INPPL1: variants seen among roughly 807,000 people sequenced by gnomAD.
INPPL1 encodes inositol polyphosphate phosphatase like 1.
Under a neutral mutation model 139.3 loss-of-function variants are expected in INPPL1, and 91 were observed. The ratio of observed to expected loss-of-function variants is 0.65; its 90% confidence interval spans 0.55 to 0.78. The LOEUF (loss-of-function observed/expected upper bound fraction) is 0.78. Among genes scored for constraint, INPPL1 ranks in the 30% least tolerant of loss-of-function variants. The pLI, the probability that INPPL1 is intolerant of heterozygous loss-of-function variation, is 0.00. For missense variants in INPPL1, 1,411 were observed against 1,665.6 expected, an observed-to-expected ratio of 0.85 and a Z score of 2.66; for synonymous variants, 719 against 686.6, an observed-to-expected ratio of 1.05 and a Z score of -0.74.
chr11:72,228,606 G>A lies in INPPL1; in HGVS notation c.397+108G>A. The A allele has an allele frequency of 6.5e-7, 1 of 1,528,600 alleles. No homozygotes were observed. The highest frequency in any genetic ancestry group is 1.2e-5 in the South Asian group (1 of 85,330). The allele number at this position is 1,528,600 out of a possible 1,614,324, so 94.7% of individuals were successfully genotyped here. On this transcript the variant is annotated intron_variant, in intron 3 of 27. Coordinates refer to ENST00000298229, the MANE Select transcript of INPPL1 (RefSeq NM_001567.4). This position sits in a 1 kb window ranked among gnomAD's most constrained non-coding sequence, Gnocchi z 5.0. ...CCTCTCCTGTAACCCCCTTTCCCTT[G>A]GCCATGATGCCGGGGCCCTTTAACC...
rs1004725132 is a variant in INPPL1 at position 72,228,087 on chromosome 11, C to A, written c.183-103C>A. Reference sequence around the variant, plus strand: ...GGCAGGTGGTTTTAGGGAAACCAAGCTGAGGGGGTTGGGGTGCTGAGCTTG... The same window carrying A: ...GGCAGGTGGTTTTAGGGAAACCAAGATGAGGGGGTTGGGGTGCTGAGCTTG... On this transcript the variant is annotated intron_variant, in intron 1 of 27. Coordinates refer to ENST00000298229, the MANE Select transcript of INPPL1 (RefSeq NM_001567.4). The surrounding 1 kb of genome is among the most constrained non-coding windows in gnomAD (Gnocchi z 5.0). The A allele has an allele frequency of 2.0e-5, 24 of 1,229,360 alleles. No homozygotes were observed. The highest frequency in any genetic ancestry group is 2.7e-5 in the Non-Finnish European group (23 of 836,614). The allele number at this position is 1,229,360 out of a possible 1,614,324, so 76.2% of individuals were successfully genotyped here. A position where few individuals can be genotyped will look rare whatever the true frequency, so the allele number is the denominator to read the frequency against.
At chr11:72,227,263 C>G (rs1048928605) in intron 1 of INPPL1, among the ~76,000 whole-genome samples, 9 of 152,090 alleles carry the variant, frequency 5.9e-5, no homozygotes, top group African/African-American at 2.2e-4. Context: ...ATTCTTTGAG[C>G]CTGTTTCCTC....
In INPPL1 at chr11:72,232,598, C is replaced by T. The variant is rs1384093328; in HGVS notation, c.1713-28C>T. ...CTGGCCCTGACCCTGGGGATCTACC[C>T]CTCCCCACCACGCACCCCTCACCCT... On this transcript the variant is annotated intron_variant, in intron 14 of 27. Coordinates refer to ENST00000298229, the MANE Select transcript of INPPL1 (RefSeq NM_001567.4). 1.9e-6 allele frequency: 3 copies of T among 1,609,966 alleles called. 1 individual carries two copies. In the South Asian group the frequency reaches 3.3e-5, roughly 18 times the overall value.
chr11:72,226,860 G>T (rs1948689561), intron 1 of INPPL1, among the ~76,000 whole-genome samples: 1 of 152,144 alleles, frequency 6.6e-6, no homozygotes. Context: ...GCTGGGGCCT[G>T]TGTCTGGGTG....
intron 25 of INPPL1, 140 bp from the exon 26 acceptor site, chr11:72,236,984 G>A (rs1282906836): frequency 1.5e-6 from 1 of 667,904 alleles, no homozygotes; most frequent in African/African-American, 1.8e-5. Context: ...GAAACTAAGG[G>A]CAGGTGATGT....
chr11:72,230,845 C>G lies in INPPL1; in HGVS notation c.1247C>G (p.Ser416Cys). The G allele has an allele frequency of 3.7e-6, 6 of 1,614,014 alleles. No individual in the cohort carries two copies. The highest frequency in any genetic ancestry group is 5.1e-6 in the Non-Finnish European group (6 of 1,180,008). The change falls in exon 11 of 28, where the codon TCC becomes TGC. Residue 416 changes from serine to cysteine, a missense_variant. Coordinates refer to ENST00000298229, the MANE Select transcript of INPPL1 (RefSeq NM_001567.4). ...TTGCAGCTCATGAAGAACAAGCACTCCAAGCAGGACGAGCCCGACATGATC... is the reference window on the plus strand; with the variant it reads ...TTGCAGCTCATGAAGAACAAGCACTGCAAGCAGGACGAGCCCGACATGATC... ...QLLQLMKNKH[S>C]KQDEPDMISV...
chr11:72,230,344 C>CG lies in INPPL1; in HGVS notation c.1091-16dup. On this transcript the variant is annotated splice_polypyrimidine_tract_variant and intron_variant, in intron 9 of 27. Transcript: ENST00000298229. ...GCCTAGGGGCACAGGCCCATGTGAC[C>CG]GGTCCTCCATGCCCTAGTCCGCCAG... is the stretch of plus-strand genomic sequence containing the variant. 6.2e-7 allele frequency: 1 copy of CG among 1,613,742 alleles called. No individual in the cohort carries two copies. The highest frequency in any genetic ancestry group is 8.5e-7 in the Non-Finnish European group (1 of 1,179,874).
At position 72,237,729 on chromosome 11, in the gene INPPL1, A is replaced by G. The variant is rs757808454; in HGVS notation, c.3485A>G (p.Tyr1162Cys). The change falls in exon 26 of 28, where the codon TAT becomes TGT. Residue 1162 changes from tyrosine (Y) to cysteine (C), a missense_variant. By Grantham distance (194) the Tyr-to-Cys change is radical (BLOSUM62 -2). Around this residue, in one of 5 missense-constraint regions of INPPL1, gnomAD observed 438 missense variants for 425.7 expected, o/e 1.03. Coordinates refer to ENST00000298229, the MANE Select transcript of INPPL1 (RefSeq NM_001567.4). ...LQPPRGLPSD[Y>C]GRPLSFPPPR... ...CCCCCCCGGGGACTGCCCTCGGACTATGGCCGGCCCCTCAGCTTCCCTCCA... is the reference window on the plus strand; with the variant it reads ...CCCCCCCGGGGACTGCCCTCGGACTGTGGCCGGCCCCTCAGCTTCCCTCCA... The G allele has an allele frequency of 2.5e-6, 4 of 1,611,760 alleles. No homozygotes were observed. In the Admixed American group the frequency reaches 5.0e-5, roughly 20 times the overall value.
At position 72,230,381 on chromosome 11, in the gene INPPL1, C is replaced by G. The variant is rs139588141; in HGVS notation, c.1110C>G (p.Ser370=). The change falls in exon 10 of 28, where the codon TCC becomes TCG. Residue 370 remains serine, a synonymous_variant. Coordinates refer to ENST00000298229, the MANE Select transcript of INPPL1 (RefSeq NM_001567.4). ...THDRIRQLIK[S]QRVQNKLGVV... ...CCCTAGTCCGCCAGCTCATTAAGTCCCAGCGTGTCCAGAACAAGCTGGGTG... is the reference window on the plus strand; with the variant it reads ...CCCTAGTCCGCCAGCTCATTAAGTCGCAGCGTGTCCAGAACAAGCTGGGTG... The G allele has an allele frequency of 1.3e-4, 214 of 1,614,104 alleles. 4 individuals are homozygous for G. The East Asian group carries it at 4.7e-3, about 35-fold the overall frequency.
chr11:72,228,166 A>G lies in INPPL1; in HGVS notation c.183-24A>G, dbSNP rs757248501. 2 of 1,613,930 alleles carry G rather than the reference A, an allele frequency of 1.2e-6. No homozygotes were observed. The highest frequency in any genetic ancestry group is 1.7e-6 in the Non-Finnish European group (2 of 1,179,844). On this transcript the variant is annotated intron_variant, in intron 1 of 27. Transcript: ENST00000298229. This position sits in a 1 kb window ranked among gnomAD's most constrained non-coding sequence, Gnocchi z 5.0. ...TTAGACCCCAGCCTGGGGGTGACAG[A>G]TTCTGGCCCTGCCTTGGCATCAGGT...
At chr11:72,237,927 C>G in intron 26 of INPPL1, 115 bp from the exon 27 acceptor site, 1 of 1,443,340 alleles carries the variant, frequency 6.9e-7, no homozygotes, top group Non-Finnish European at 9.2e-7. Context: ...AGTTGGGAGA[C>G]ACATGTATCA....
chr11:72,235,647 C>A lies in INPPL1; in HGVS notation c.2660-28C>A, dbSNP rs1240982805. ...TGTGGGATCCAGGAGCCCAGGTCTC[C>A]TCTGAGTCTCCCTTCCTGCCCCCTC... On this transcript the variant is annotated intron_variant, in intron 23 of 27. Transcript: ENST00000298229. This position sits in a 1 kb window ranked among gnomAD's most constrained non-coding sequence, Gnocchi z 4.9. 7 of 1,612,964 alleles carry A rather than the reference C, an allele frequency of 4.3e-6. No individual in the cohort carries two copies. The highest frequency in any genetic ancestry group is 5.9e-6 in the Non-Finnish European group (7 of 1,179,306).
chr11:72,236,947 A>G (rs1307877700), intron 25 of INPPL1, among the ~76,000 whole-genome samples, 177 bp from the exon 26 acceptor site: 1 of 152,212 alleles, frequency 6.6e-6, no homozygotes, highest in Non-Finnish European at 1.5e-5. Flanking sequence ...TCAAAGGGTT[A>G]TCCTCCCTCT....
rs536046056 is a variant in INPPL1 at position 72,228,617 on chromosome 11, C to T, written c.398-110C>T. 417 of 1,537,460 alleles carry T rather than the reference C, an allele frequency of 2.7e-4. 3 individuals are homozygous for T. Among genetic ancestry groups the T allele is most frequent in the East Asian group, 1.7e-3 (76 of 44,162 alleles). On this transcript the variant is annotated intron_variant, in intron 3 of 27. Transcript: ENST00000298229. The surrounding 1 kb of genome is among the most constrained non-coding windows in gnomAD (Gnocchi z 5.0). ...ACCCCCTTTCCCTTGGCCATGATGC[C>T]GGGGCCCTTTAACCCTCTTTCCATG...
In INPPL1 at chr11:72,224,894, C is replaced by G. The variant is rs546297576; in HGVS notation, c.-91C>G. ...CGGCCCACGGATCCTCAAGCCCGGG[C>G]CCCGGGCCCGGCCCCAGCCTCAGCC... On this transcript the variant is annotated 5_prime_UTR_variant, in exon 1 of 28. Transcript: ENST00000298229. 65 of 908,866 alleles carry G rather than the reference C, an allele frequency of 7.2e-5. 1 individual carries two copies. In the East Asian group the frequency reaches 3.4e-3, roughly 48 times the overall value. 56.3% of individuals were successfully genotyped at this position (908,866 alleles called of 1,614,324 possible).
chr11:72,228,638 C>T lies in INPPL1; in HGVS notation c.398-89C>T. 2 of 1,550,928 alleles carry T rather than the reference C, an allele frequency of 1.3e-6. No individual in the cohort carries two copies. Among genetic ancestry groups the T allele is most frequent in the Non-Finnish European group, 1.7e-6 (2 of 1,144,596 alleles). ...ATGCCGGGGCCCTTTAACCCTCTTT[C>T]CATGGAAGTCACTTTACAGCTGCAT... On this transcript the variant is annotated intron_variant, in intron 3 of 27. Transcript: ENST00000298229. The surrounding 1 kb of genome is among the most constrained non-coding windows in gnomAD (Gnocchi z 5.0).
At position 72,228,259 on chromosome 11, in the gene INPPL1, A is replaced by G; in HGVS notation, c.246+6A>G. The G allele has an allele frequency of 1.2e-6, 2 of 1,614,010 alleles. No individual in the cohort carries two copies. The highest frequency in any genetic ancestry group is 1.7e-6 in the Non-Finnish European group (2 of 1,179,948). On this transcript the variant is annotated splice_donor_region_variant and intron_variant, in intron 2 of 27. Transcript: ENST00000298229. The surrounding 1 kb of genome is among the most constrained non-coding windows in gnomAD (Gnocchi z 5.0). ...AAGATTTCTTGGCTGTGCAGGTAGG[A>G]GCTTGGGCCCCTGACCCCTGACCTT...
Position 72,237,421 on chromosome 11 carries a change from G to T in INPPL1, c.3177G>T (p.Pro1059=). Residue 1059 remains proline, a synonymous_variant, in exon 26 of 28, where the codon CCG becomes CCT. Coordinates refer to ENST00000298229, the MANE Select transcript of INPPL1 (RefSeq NM_001567.4). ...PPPDFPPPPL[P]DSAIFLPPSL... ...CAGACTTTCCACCTCCACCACTGCC[G>T]GACTCAGCCATCTTCCTGCCCCCCA... The T allele has an allele frequency of 6.2e-7, 1 of 1,611,270 alleles. No individual in the cohort carries two copies. Among genetic ancestry groups the T allele is most frequent in the Non-Finnish European group, 8.5e-7 (1 of 1,178,078 alleles).
At position 72,234,610 on chromosome 11, in the gene INPPL1, C is replaced by T. The variant is rs375941017; in HGVS notation, c.2410C>T (p.Pro804Ser). 2 of 1,612,182 alleles carry T rather than the reference C, an allele frequency of 1.2e-6. No individual in the cohort carries two copies. Among genetic ancestry groups the T allele is most frequent in the African/African-American group, 2.7e-5 (2 of 74,808 alleles). Residue 804 changes from proline (P) to serine (S), a missense_variant, in exon 21 of 28, where the codon CCC becomes TCC. Coordinates refer to ENST00000298229, the MANE Select transcript of INPPL1 (RefSeq NM_001567.4). This position sits in a 1 kb window ranked among gnomAD's most constrained non-coding sequence, Gnocchi z 4.2. ...AGTGCAGTGGTCTTCACGCCAGCTGCCCACGGTGAGGCTGTGGGCAGGGCC... is the reference window on the plus strand; with the variant it reads ...AGTGCAGTGGTCTTCACGCCAGCTGTCCACGGTGAGGCTGTGGGCAGGGCC... ...LKVQWSSRQL[P>S]TLKPILADIE...
Sources: allele counts gnomAD v4.1 joint callset (sites outside exome capture counted in the v4.1 genomes callset), GRCh38; gene constraint gnomAD v4.1.1; regional missense constraint gnomAD v4.1.1; non-coding constraint Gnocchi (gnomAD v3.1); transcripts MANE v1.5; gene names NCBI Gene and HGNC (gene_info 2026-07-23, HGNC 2026-07-21).